Variants in SORCS3 observed in about 807,000 individuals in gnomAD.
SORCS3 encodes the protein VPS10 domain-containing receptor SorCS3.
In SORCS3, 57 loss-of-function variants were observed where a neutral mutation model predicts 146.3. That is an observed-to-expected ratio of 0.39 (90% CI 0.31 to 0.49). SORCS3 has a LOEUF of 0.49. SORCS3 is among the 20% of genes least tolerant of loss of function. The pLI, the probability that SORCS3 is intolerant of heterozygous loss-of-function variation, is 0.92. For synonymous variants in SORCS3, 653 were observed against 618.5 expected (o/e 1.06, Z -0.83); for missense variants, 1,341 against 1,575.5 (o/e 0.85, Z 2.52).
At chr10:104,735,583 A>G (rs1447673688) in intron 1 of SORCS3, among the ~76,000 whole-genome samples, 1 of 150,606 alleles carries the variant, frequency 6.6e-6, no homozygotes, top group Non-Finnish European at 1.5e-5. Context: ...TAAATTACCT[A>G]TGAAAAAGAC....
At chr10:105,143,224 T>C (rs1221840026) in intron 8 of SORCS3, among the ~76,000 whole-genome samples, 1 of 152,224 alleles carries the variant, frequency 6.6e-6, no homozygotes, top group East Asian at 1.9e-4. Flanking sequence ...TAATCCATAC[T>C]TGATACTCTT....
intron 22 of SORCS3, among the ~76,000 whole-genome samples, 165 bp downstream of exon 22, chr10:105,247,496 T>G (rs1052311451): frequency 6.6e-6 from 1 of 152,192 alleles, no homozygotes; most frequent in Non-Finnish European, 1.5e-5. Context: ...ACACCTGTCA[T>G]CCCAGCACTT....
chr10:104,709,671 A>G (rs763722941), intron 1 of SORCS3, among the ~76,000 whole-genome samples: 5 of 152,188 alleles, frequency 3.3e-5, no homozygotes, highest in African/African-American at 4.8e-5. Context: ...AACAGCTAGT[A>G]TGTGGCAAAG....
chr10:105,052,641 T>C (rs2055421181), intron 5 of SORCS3, among the ~76,000 whole-genome samples: 1 of 152,074 alleles, frequency 6.6e-6, no homozygotes, highest in African/African-American at 2.4e-5. Flanking sequence ...ACTTGCATGT[T>C]ACATTAAAAA....
intron 19 of SORCS3, among the ~76,000 whole-genome samples, chr10:105,220,367 G>A (rs1272739737): frequency 6.6e-6 from 1 of 152,198 alleles, no homozygotes; most frequent in Non-Finnish European, 1.5e-5. Flanking sequence ...TTTGGTGTGA[G>A]TTTATGGAGA....
At chr10:104,869,754 C>A (rs2018499351) in intron 2 of SORCS3, among the ~76,000 whole-genome samples, 1 of 152,204 alleles carries the variant, frequency 6.6e-6, no homozygotes, top group Non-Finnish European at 1.5e-5. Flanking sequence ...ATTATGTAGT[C>A]CTGATTACCT....
At chr10:105,207,647 G>A (rs887984220) in intron 16 of SORCS3, among the ~76,000 whole-genome samples, 1 of 152,164 alleles carries the variant, frequency 6.6e-6, no homozygotes, top group Non-Finnish European at 1.5e-5. Context: ...AGATTGAGCT[G>A]TATGAGATAT....
intron 1 of SORCS3, among the ~76,000 whole-genome samples, chr10:104,685,839 C>T (rs111542411): frequency 0.02 from 3,105 of 152,296 alleles, 38 homozygotes; most frequent in Non-Finnish European, 0.029. Flanking sequence ...CCTTTGTCCC[C>T]ACAAATGTTT....
intron 2 of SORCS3, among the ~76,000 whole-genome samples, chr10:104,890,919 T>A (rs961891928): frequency 2.6e-5 from 4 of 152,190 alleles, no homozygotes; most frequent in Admixed American, 2.0e-4. Flanking sequence ...ATTAATTGAT[T>A]TTTCTTCTTT....
intron 5 of SORCS3, among the ~76,000 whole-genome samples, chr10:105,057,942 C>G (rs534204049): frequency 2.0e-5 from 3 of 152,326 alleles, no homozygotes; most frequent in Admixed American, 2.0e-4. Context: ...TTTTAGGCAT[C>G]TCACCTGCTT....
chr10:105,255,911 T>C, intron 24 of SORCS3, 110 bp downstream of exon 24: 1 of 808,430 alleles, frequency 1.2e-6, no homozygotes. Flanking sequence ...AGTGGCTTTG[T>C]AGAAGGGTCC....
chr10:105,050,422 C>G (rs2055402722), intron 5 of SORCS3, among the ~76,000 whole-genome samples: 1 of 152,072 alleles, frequency 6.6e-6, no homozygotes, highest in South Asian at 2.1e-4. Flanking sequence ...TTATTGAGAG[C>G]CCCATGTGTC....
In SORCS3 at chr10:105,103,868, G is replaced by T. The variant is rs554309176; in HGVS notation, c.1094-1529G>T. 2.0e-5 allele frequency among the ~76,000 whole-genome samples: 3 copies of T among 152,260 alleles called. No homozygotes were observed. In the South Asian group the frequency reaches 6.2e-4, roughly 32 times the overall value. ...TAGCATCATGTTTCTAAATTAATATGTGTAGTAACTAGCTACATATATGAG... is the reference window on the plus strand; with the variant it reads ...TAGCATCATGTTTCTAAATTAATATTTGTAGTAACTAGCTACATATATGAG... On this transcript the variant is annotated intron_variant, in intron 6 of 26. Transcript: ENST00000369701.
intron 1 of SORCS3, among the ~76,000 whole-genome samples, chr10:104,646,057 C>A (rs1409297381): frequency 6.6e-6 from 1 of 152,180 alleles, no homozygotes; most frequent in Admixed American, 6.5e-5. Context: ...GGGAAACCAT[C>A]TCAGTTGAGA....
intron 2 of SORCS3, among the ~76,000 whole-genome samples, chr10:104,872,720 T>C (rs2496022): frequency 0.72 from 108,835 of 151,874 alleles, 39,473 homozygotes; most frequent in East Asian, 0.88. Flanking sequence ...GGGTTTCCAC[T>C]GAGATTCCTT....
At chr10:105,222,999 G>A in intron 19 of SORCS3, 117 bp from the exon 20 acceptor site, 1 of 1,113,630 alleles carries the variant, frequency 9.0e-7, no homozygotes, top group Non-Finnish European at 1.3e-6. Flanking sequence ...ATGGTTTTGT[G>A]ACCCTTCCTT....
intron 7 of SORCS3, among the ~76,000 whole-genome samples, chr10:105,133,511 T>C (rs2056036478): frequency 6.6e-6 from 1 of 152,220 alleles, no homozygotes; most frequent in Non-Finnish European, 1.5e-5. Context: ...TGAAAGGCTA[T>C]ATGATGTTGG....
intron 4 of SORCS3, among the ~76,000 whole-genome samples, chr10:104,995,346 G>A (rs2055019886): frequency 6.6e-6 from 1 of 151,930 alleles, no homozygotes; most frequent in South Asian, 2.1e-4. Flanking sequence ...TTTTAATAGA[G>A]ACAGAGTTTC....
chr10:105,236,580 T>C (rs2056794180), intron 20 of SORCS3, among the ~76,000 whole-genome samples: 1 of 152,156 alleles, frequency 6.6e-6, no homozygotes, highest in Non-Finnish European at 1.5e-5. Context: ...AGGGCAGTTC[T>C]TGACTGTTAC....
Sources: gnomAD v4.1 joint callset for allele counts (sites outside exome capture counted in the v4.1 genomes callset) on GRCh38, gnomAD v4.1.1 for gene constraint, MANE v1.5 for transcripts, NCBI Gene and HGNC (gene_info 2026-07-23, HGNC 2026-07-21) for gene names.